Variants in CARNMT1 observed in about 807,000 individuals in gnomAD.
CARNMT1 encodes the protein carnosine N-methyltransferase 1.
In CARNMT1, 28 loss-of-function variants were observed where a neutral mutation model predicts 49.6. The ratio of observed to expected loss-of-function variants is 0.56; its 90% CI spans 0.42 to 0.77. The LOEUF (loss-of-function observed/expected upper bound fraction) is 0.77. CARNMT1 is among the 30% of genes least tolerant of loss of function. The probability of loss-of-function intolerance (pLI) is 0.00; values close to 1 mark genes in which losing one functional copy is unlikely to be tolerated. For synonymous variants in CARNMT1, 178 were observed against 175.0 expected (o/e 1.02, Z -0.13); for missense variants, 421 against 512.6 (o/e 0.82, Z 1.73).
intron 1 of CARNMT1, among the ~76,000 whole-genome samples, chr9:75,020,268 T>TTC (rs573442824): frequency 0.072 from 8,964 of 124,514 alleles, 463 homozygotes; most frequent in African/African-American, 0.11. Flanking sequence ...ATTTTTCTTC[T>TTC]TTTTTTTTTT....
At chr9:74,987,236 A>C (rs1285190476) in intron 6 of CARNMT1, among the ~76,000 whole-genome samples, 1 of 152,206 alleles carries the variant, frequency 6.6e-6, no homozygotes, top group Non-Finnish European at 1.5e-5. Context: ...CCAGTTTCTA[A>C]GTTATAGATA....
At chr9:74,993,059 C>T (rs1587658381) in intron 6 of CARNMT1, among the ~76,000 whole-genome samples, 1 of 152,164 alleles carries the variant, frequency 6.6e-6, no homozygotes, top group African/African-American at 2.4e-5. Flanking sequence ...ACAATACATT[C>T]ATACATACAT....
chr9:75,001,867 T>A (rs1213370984), intron 3 of CARNMT1, among the ~76,000 whole-genome samples: 2 of 152,184 alleles, frequency 1.3e-5, no homozygotes. Context: ...AACACAAATC[T>A]AATACAGACC....
intron 1 of CARNMT1, among the ~76,000 whole-genome samples, chr9:75,022,373 A>T (rs1822396869): frequency 6.6e-6 from 1 of 151,678 alleles, no homozygotes; most frequent in Non-Finnish European, 1.5e-5. Context: ...ACAGGTGCAC[A>T]CCACCATGCC....
intron 6 of CARNMT1, among the ~76,000 whole-genome samples, chr9:74,993,300 G>C (rs1400338950): frequency 6.6e-6 from 1 of 152,114 alleles, no homozygotes. Context: ...AACACATAAG[G>C]ACTAACCAAG....
At chr9:74,986,683 C>A (rs1358026229) in intron 6 of CARNMT1, among the ~76,000 whole-genome samples, 1 of 152,132 alleles carries the variant, frequency 6.6e-6, no homozygotes, top group Non-Finnish European at 1.5e-5. Context: ...ATGGTGTGTT[C>A]CACCTAGAAA....
intron 1 of CARNMT1, among the ~76,000 whole-genome samples, chr9:75,020,555 C>T: frequency 6.6e-6 from 1 of 151,868 alleles, no homozygotes; most frequent in East Asian, 1.9e-4. Context: ...CGTGAGCCAC[C>T]GCACCCAGCC....
At chr9:75,005,827 A>C (rs868206134) in intron 3 of CARNMT1, among the ~76,000 whole-genome samples, 1 of 135,688 alleles carries the variant, frequency 7.4e-6, no homozygotes, top group Non-Finnish European at 1.6e-5. Context: ...GTGAAATTAA[A>C]ACACACACAC....
chr9:75,013,746 G>A (rs537626220), intron 3 of CARNMT1, among the ~76,000 whole-genome samples: 1 of 152,246 alleles, frequency 6.6e-6, no homozygotes, highest in East Asian at 1.9e-4. Context: ...GTTTATGCCT[G>A]TAATCCCAAT....
chr9:75,016,735 G>C (rs998224229), intron 2 of CARNMT1: 2 of 294,776 alleles, frequency 6.8e-6, no homozygotes, highest in African/African-American at 4.4e-5. Flanking sequence ...AGAGAGGGAA[G>C]AAAGTCCCTC....
intron 1 of CARNMT1, among the ~76,000 whole-genome samples, chr9:75,018,271 C>T (rs778926880): frequency 6.6e-6 from 1 of 151,984 alleles, no homozygotes; most frequent in South Asian, 2.1e-4. Context: ...ATCATGTTGC[C>T]CAGGCTGGTC....
chr9:75,016,435 T>C lies in CARNMT1; in HGVS notation c.427-4A>G. 2 of 1,612,220 alleles carry C rather than the reference T, an allele frequency of 1.2e-6. No homozygotes were observed. The highest frequency in any genetic ancestry group is 1.7e-6 in the Non-Finnish European group (2 of 1,179,522). ...CTGGCATAATCTTTCCATTCCCCTG[T>C]TTAAAAAACAGACATCAATTAGCTT... On this transcript the variant is annotated splice_region_variant and splice_polypyrimidine_tract_variant and intron_variant, in intron 2 of 7. Transcript: ENST00000376834.
Position 74,983,794 on chromosome 9 carries a change from GAC to G in CARNMT1, c.1201_1202del (p.Val401LeufsTer6), listed in dbSNP as rs769848575. The G allele has an allele frequency of 6.2e-7, 1 of 1,607,202 alleles. No individual in the cohort carries two copies. ...LSMMKYYYEC[V>X]LFVVRKPQ ...ATTGTGGCTTACGGACCACAAACAA[GAC>G]ACATTCATAGTAGTATTTCATCATA... On this transcript the variant is annotated frameshift_variant, in exon 8 of 8. Coordinates refer to ENST00000376834, the MANE Select transcript of CARNMT1 (RefSeq NM_152420.3). LOFTEE classifies it high-confidence loss of function.
chr9:75,024,655 G>A (rs1464565429), intron 1 of CARNMT1, among the ~76,000 whole-genome samples: 3 of 152,184 alleles, frequency 2.0e-5, no homozygotes, highest in African/African-American at 7.2e-5. Flanking sequence ...AAACCCATTA[G>A]AAAGAGAAAA....
rs993662157 is a variant in CARNMT1, at chr9:74,981,847, C to T, written c.*1920G>A. ...AAAACAGCATGCATTCCTTTCTGTT[C>T]GATTGATTTTTAAAAAATACTTATG... is the stretch of plus-strand genomic sequence containing the variant. On this transcript the variant is annotated 3_prime_UTR_variant, in exon 8 of 8. Coordinates refer to ENST00000376834, the MANE Select transcript of CARNMT1 (RefSeq NM_152420.3). 2 of 151,632 alleles carry T rather than the reference C, an allele frequency of 1.3e-5. No individual in the cohort carries two copies. Among genetic ancestry groups the T allele is most frequent in the African/African-American group, 2.4e-5 (1 of 41,324 alleles). The allele number at this position is 151,632 out of a possible 1,614,324, so 9.4% of individuals were successfully genotyped here. A position where few individuals can be genotyped will look rare whatever the true frequency, so the allele number is the denominator to read the frequency against.
intron 6 of CARNMT1, among the ~76,000 whole-genome samples, chr9:74,993,520 C>T (rs1587658842): frequency 3.3e-5 from 5 of 151,994 alleles, no homozygotes; most frequent in South Asian, 2.1e-4. Context: ...TGAAAAGGGC[C>T]GAAGACAACT....
intron 6 of CARNMT1, 68 bp from the exon 7 acceptor site, chr9:74,985,078 TC>T: frequency 1.7e-6 from 2 of 1,197,230 alleles, no homozygotes; most frequent in South Asian, 1.2e-5. Context: ...TACACTGAAT[TC>T]CAAGTTGAGT....
At chr9:75,027,918 G>GC in intron 1 of CARNMT1, 94 bp downstream of exon 1, 2 of 1,346,350 alleles carry the variant, frequency 1.5e-6, no homozygotes, top group Non-Finnish European at 1.9e-6. Flanking sequence ...CGGAGGCGTG[G>GC]CGGCGGGACG....
chr9:75,004,289 T>C (rs1218746288), intron 3 of CARNMT1, among the ~76,000 whole-genome samples: 4 of 152,248 alleles, frequency 2.6e-5, no homozygotes, highest in Non-Finnish European at 5.9e-5. Flanking sequence ...CTAATAGTTA[T>C]CTTTTAAATC....
Sources: gnomAD v4.1 joint callset for allele counts (sites outside exome capture counted in the v4.1 genomes callset) on GRCh38, gnomAD v4.1.1 for gene constraint, MANE v1.5 for transcripts, NCBI Gene and HGNC (gene_info 2026-07-23, HGNC 2026-07-21) for gene names.